The following SLIT3 variants were observed in gnomAD, a reference collection of about 807,000 sequenced individuals.
SLIT3 encodes slit guidance ligand 3.
Under a neutral mutation model 184.0 loss-of-function variants are expected in SLIT3, and 68 were observed. The ratio of observed to expected loss-of-function variants is 0.37; its 90% CI spans 0.30 to 0.45. The LOEUF (loss-of-function observed/expected upper bound fraction) is 0.45. SLIT3 is among the 20% of genes least tolerant of loss of function. SLIT3 has a pLI of 1.00. For missense variants in SLIT3, 1,707 were observed against 2,026.0 expected, an observed-to-expected ratio of 0.84 and a Z score of 3.02; for synonymous variants, 831 against 828.6, an observed-to-expected ratio of 1.00 and a Z score of -0.05.
intron 1 of SLIT3, among the ~76,000 whole-genome samples, chr5:169,286,799 C>T (rs1767162399): frequency 6.6e-6 from 1 of 152,192 alleles, no homozygotes; most frequent in African/African-American, 2.4e-5. Flanking sequence ...CTGCTCTGCT[C>T]GTGAAATGCT....
chr5:168,857,018 T>C (rs1191240571), intron 5 of SLIT3, among the ~76,000 whole-genome samples: 1 of 151,892 alleles, frequency 6.6e-6, no homozygotes, highest in Non-Finnish European at 1.5e-5. Flanking sequence ...GTAGTTTTCC[T>C]TCATGCTGTC....
rs773306404 is a variant in SLIT3 at position 168,761,909 on chromosome 5, TA to T, written c.1610+629del. On this transcript the variant is annotated intron_variant, in intron 15 of 35. Transcript: ENST00000519560. ...GCATGCCACTATCATGCCCAGCTAA[TA>T]AAAAAAAAAAATTTTTTTTTTTTTT... 3.7e-3 allele frequency among the ~76,000 whole-genome samples: 468 copies of T among 127,794 alleles called. 4 individuals are homozygous for T. The highest frequency in any genetic ancestry group is 8.2e-3 in the Middle Eastern group (2 of 244). 83.8% of individuals were successfully genotyped at this position (127,794 alleles called of 152,430 possible).
chr5:168,852,022 T>A (rs575393855), intron 5 of SLIT3, among the ~76,000 whole-genome samples: 1 of 152,318 alleles, frequency 6.6e-6, no homozygotes, highest in East Asian at 1.9e-4. Context: ...CGTTGGGAAT[T>A]AGAATTTCTT....
chr5:168,910,514 C>A (rs1445613413), intron 4 of SLIT3, among the ~76,000 whole-genome samples: 1 of 151,966 alleles, frequency 6.6e-6, no homozygotes, highest in African/African-American at 2.4e-5. Context: ...GAGGCCGAGG[C>A]GGGTGGATCA....
intron 5 of SLIT3, among the ~76,000 whole-genome samples, chr5:168,860,815 C>G (rs1300824706): frequency 6.6e-6 from 1 of 152,194 alleles, no homozygotes. Flanking sequence ...CCTGCCCTGC[C>G]TTGCCTTTCC....
chr5:169,121,694 C>T (rs1212756380), intron 4 of SLIT3, among the ~76,000 whole-genome samples: 1 of 152,206 alleles, frequency 6.6e-6, no homozygotes, highest in Non-Finnish European at 1.5e-5. Context: ...ACAATCAACA[C>T]TTCTTCCTGG....
At chr5:169,068,965 T>A (rs549576929) in intron 4 of SLIT3, among the ~76,000 whole-genome samples, 3 of 152,294 alleles carry the variant, frequency 2.0e-5, no homozygotes, top group African/African-American at 4.8e-5. Flanking sequence ...CTTTTAGGTC[T>A]TTACAACACA....
intron 4 of SLIT3, among the ~76,000 whole-genome samples, chr5:169,154,891 A>G (rs1011259147): frequency 6.6e-6 from 1 of 152,248 alleles, no homozygotes; most frequent in Non-Finnish European, 1.5e-5. Flanking sequence ...AAGCTCATCG[A>G]GGCTTTTCCA....
chr5:168,703,478 A>C (rs910428105), intron 26 of SLIT3, among the ~76,000 whole-genome samples: 2 of 152,000 alleles, frequency 1.3e-5, no homozygotes, highest in African/African-American at 4.8e-5. Flanking sequence ...CACACACCCT[A>C]CTGTGAACTG....
At chr5:169,142,902 T>C (rs1761793884) in intron 4 of SLIT3, among the ~76,000 whole-genome samples, 1 of 152,316 alleles carries the variant, frequency 6.6e-6, no homozygotes, top group African/African-American at 2.4e-5. Context: ...TGGAAGAGAA[T>C]GTTTCTTTCC....
rs74564760 is a variant in SLIT3, at chr5:168,779,244, G to T, written c.1152-4866C>A. Among the ~76,000 whole-genome samples the T allele has an allele frequency of 3.9e-5, 6 of 152,242 alleles. No homozygotes were observed. In the East Asian group the frequency reaches 9.7e-4, roughly 25 times the overall value. ...TAGCCCAAAGATTTTGTTTCCAATC[G>T]TCATGCTGCTGTGAGAGCCAGTCCC... is the stretch of plus-strand genomic sequence containing the variant. On this transcript the variant is annotated intron_variant, in intron 12 of 35. Transcript: ENST00000519560.
rs1359622216 is a variant in SLIT3 at position 168,752,977 on chromosome 5, T to C, written c.1951A>G (p.Thr651Ala). 6.2e-7 allele frequency: 1 copy of C among 1,613,574 alleles called. No homozygotes were observed. Among genetic ancestry groups the C allele is most frequent in the Non-Finnish European group, 8.5e-7 (1 of 1,179,900 alleles). The stretch of plus-strand genomic sequence containing the variant: ...TACATGGTGGACAGGGAGACAAGCG[T>C]GGTGAAGGCCCCAGGGGTGATGGTG... ...ITTITPGAFT[T>A]LVSLSTINLL... The change falls in exon 18 of 36, where the codon ACG becomes GCG. Residue 651 changes from threonine (T) to alanine (A), a missense_variant. By Grantham distance (58) the Thr-to-Ala change is moderately conservative. This residue lies in a region of SLIT3 where 1,307 missense variants were observed against 1,511.6 expected (regional missense o/e 0.86). Transcript: ENST00000519560.
At chr5:169,267,638 A>G (rs1233002973) in intron 1 of SLIT3, among the ~76,000 whole-genome samples, 1 of 152,206 alleles carries the variant, frequency 6.6e-6, no homozygotes, top group Non-Finnish European at 1.5e-5. Context: ...TGTGAGTTAA[A>G]GGGGAAGTCA....
chr5:168,990,951 A>C (rs1316190177), intron 4 of SLIT3, among the ~76,000 whole-genome samples: 1 of 152,142 alleles, frequency 6.6e-6, no homozygotes, highest in East Asian at 1.9e-4. Context: ...ACTTGTTTGC[A>C]TTTGCTGCTT....
rs1380760956 is a variant in SLIT3, at chr5:168,692,600, G to A, written c.3176+7C>T. On this transcript the variant is annotated splice_region_variant and intron_variant, in intron 29 of 35. Transcript: ENST00000519560. ...CTCTGTGCTGGGGGCACGAAGCCAG[G>A]TCTTACCTGAATCCTTTGTCCAGGG... 1 of 1,610,176 alleles carries A rather than the reference G, an allele frequency of 6.2e-7. No individual in the cohort carries two copies. The highest frequency in any genetic ancestry group is 8.5e-7 in the Non-Finnish European group (1 of 1,176,744).
chr5:169,272,111 G>C (rs528559148), intron 1 of SLIT3, among the ~76,000 whole-genome samples: 376 of 152,360 alleles, frequency 2.5e-3, no homozygotes, highest in African/African-American at 8.6e-3. Context: ...CTGGGGATCT[G>C]ACTTCGTCCC....
intron 14 of SLIT3, among the ~76,000 whole-genome samples, chr5:168,764,458 C>G (rs564332370): frequency 2.0e-5 from 3 of 152,116 alleles, no homozygotes; most frequent in African/African-American, 7.2e-5. Flanking sequence ...TTGCTTCTCC[C>G]CAAAGGTTTT....
chr5:168,927,248 C>T (rs940279110), intron 4 of SLIT3, among the ~76,000 whole-genome samples: 2 of 152,134 alleles, frequency 1.3e-5, no homozygotes, highest in African/African-American at 4.8e-5. Context: ...AACGTTATGC[C>T]AAGTGAAATC....
At chr5:168,832,220 G>A (rs551723157) in intron 6 of SLIT3, among the ~76,000 whole-genome samples, 18 of 152,314 alleles carry the variant, frequency 1.2e-4, no homozygotes, top group South Asian at 4.1e-4. Flanking sequence ...AATTGCCAAC[G>A]TGTCCACAGA....
Sources: allele counts gnomAD v4.1 joint callset (sites outside exome capture counted in the v4.1 genomes callset), GRCh38; gene constraint gnomAD v4.1.1; regional missense constraint gnomAD v4.1.1; transcripts MANE v1.5; gene names NCBI Gene and HGNC (gene_info 2026-07-23, HGNC 2026-07-21).